Variants in BRD9 observed in about 807,000 individuals in gnomAD.
BRD9 encodes the protein bromodomain containing 9.
BRD9 carries 47 observed loss-of-function variants against 68.7 expected under a neutral mutation model. The observed-to-expected ratio is 0.68, with a 90% confidence interval of 0.54 to 0.87. The LOEUF (loss-of-function observed/expected upper bound fraction) is 0.87. Among genes scored for constraint, BRD9 ranks in the 40% least tolerant of loss-of-function variants. The pLI is 0.00. For missense variants in BRD9, 670 were observed against 748.4 expected (o/e 0.90, Z 1.22); for synonymous variants, 313 against 293.9 (o/e 1.06, Z -0.67).
intron 8 of BRD9, chr5:883,559 G>A (rs1400551338): frequency 1.8e-5 from 7 of 391,790 alleles, no homozygotes; most frequent in Admixed American, 9.9e-5. Flanking sequence ...ACCATCTGTC[G>A]GATCCAACAC....
At chr5:885,169 G>C (rs928519668) in intron 7 of BRD9, among the ~76,000 whole-genome samples, 2 of 152,250 alleles carry the variant, frequency 1.3e-5, no homozygotes, top group East Asian at 1.9e-4. Flanking sequence ...CGAGTCGGGG[G>C]CTGAGGCCGG....
intron 7 of BRD9, among the ~76,000 whole-genome samples, chr5:885,895 C>T (rs1056199621): frequency 5.3e-5 from 8 of 152,168 alleles, no homozygotes; most frequent in African/African-American, 1.2e-4. Context: ...ACAGGAATGA[C>T]GTGTGATACG....
chr5:865,839 GACC>G (rs1749307458), intron 14 of BRD9: 1 of 406,884 alleles, frequency 2.5e-6, no homozygotes, highest in Non-Finnish European at 4.4e-6. Context: ...GCACCGCACA[GACC>G]ACGTCATGGC....
At chr5:878,060 T>A (rs1751229560) in intron 11 of BRD9, among the ~76,000 whole-genome samples, 1 of 152,182 alleles carries the variant, frequency 6.6e-6, no homozygotes, top group Admixed American at 6.5e-5. Flanking sequence ...CAGCCTGAGC[T>A]AGCACGGTCA....
chr5:865,595 A>C lies in BRD9; in HGVS notation c.1526-14T>G. ...TCTTCACCTTCCCTGTGTAAACAGG[A>C]CATGACCCCACGTCGGCTGAGCTCA... is the stretch of plus-strand genomic sequence containing the variant. On this transcript the variant is annotated splice_polypyrimidine_tract_variant and intron_variant, in intron 14 of 15. Transcript: ENST00000467963. 6.3e-7 allele frequency: 1 copy of C among 1,578,304 alleles called. No individual in the cohort carries two copies.
At chr5:866,185 G>A (rs896686889) in intron 14 of BRD9, 1 of 152,280 alleles carries the variant, frequency 6.6e-6, no homozygotes, top group African/African-American at 2.4e-5. Context: ...GGCTTACCCT[G>A]ACAATGCCTG....
Position 865,398 on chromosome 5 carries a change from G to T in BRD9, c.1693+16C>A. ...CTGGGGTCTCTGGGGATGCGGCGTG[G>T]GTGGGGGCATCTCACCCAGGTGGTG... On this transcript the variant is annotated intron_variant, in intron 15 of 15. Coordinates refer to ENST00000467963, the MANE Select transcript of BRD9 (RefSeq NM_023924.5). 2 of 1,560,560 alleles carry T rather than the reference G, an allele frequency of 1.3e-6. No individual in the cohort carries two copies. The highest frequency in any genetic ancestry group is 2.3e-5 in the East Asian group (1 of 43,774).
In BRD9 at chr5:890,621, T is replaced by C. The variant is rs1753218584; in HGVS notation, c.400+534A>G. 2.0e-5 allele frequency among the ~76,000 whole-genome samples: 3 copies of C among 152,228 alleles called. No homozygotes were observed. In the South Asian group the frequency reaches 6.2e-4, roughly 32 times the overall value. ...TCCTTTGTCTCAGCCTATGGTCACT[T>C]TCAGCAACTTCAGACCCACCATTTG... On this transcript the variant is annotated intron_variant, in intron 3 of 15. Transcript: ENST00000467963.
Position 865,549 on chromosome 5 carries a change from T to C in BRD9, c.1558A>G (p.Ser520Gly), listed in dbSNP as rs766537274. 32 of 1,604,824 alleles carry C rather than the reference T, an allele frequency of 2.0e-5. No homozygotes were observed. Among genetic ancestry groups the C allele is most frequent in the Non-Finnish European group, 2.6e-5 (31 of 1,178,626 alleles). Residue 520 changes from serine (S) to glycine (G), a missense_variant, in exon 15 of 16, where the codon AGC becomes GGC. Ser to Gly is a moderately conservative substitution (Grantham distance 56). Coordinates refer to ENST00000467963, the MANE Select transcript of BRD9 (RefSeq NM_023924.5). ...KVKKELDPDDSHLNLDETTKL... is the reference protein window; with the variant it reads ...KVKKELDPDDGHLNLDETTKL... ...GTCGTCTCATCCAAGTTCAAATGGCTGTCGTCAGGGTCCAGCTCCTTCTTC... is the reference window on the plus strand; with the variant it reads ...GTCGTCTCATCCAAGTTCAAATGGCCGTCGTCAGGGTCCAGCTCCTTCTTC...
intron 5 of BRD9, among the ~76,000 whole-genome samples, chr5:888,809 C>T (rs907160335): frequency 6.6e-6 from 1 of 152,204 alleles, no homozygotes; most frequent in South Asian, 2.1e-4. Context: ...CTTCTAACAG[C>T]GTGCAACCTG....
intron 7 of BRD9, 81 bp downstream of exon 7, chr5:886,511 C>T: frequency 7.7e-7 from 1 of 1,303,490 alleles, no homozygotes; most frequent in South Asian, 1.4e-5. Context: ...CTCACTCACT[C>T]ACTCTCCCCT....
chr5:876,282 C>T, intron 11 of BRD9, 70 bp from the exon 12 acceptor site: 1 of 1,217,218 alleles, frequency 8.2e-7, no homozygotes, highest in Non-Finnish European at 1.2e-6. Context: ...CAGCCCTGAT[C>T]ACAGAAGCCT....
chr5:883,836 C>T (rs1027077787), intron 8 of BRD9, 102 bp downstream of exon 8: 51 of 1,495,282 alleles, frequency 3.4e-5, no homozygotes, highest in Middle Eastern at 1.8e-4. Flanking sequence ...ACCTCTGGAT[C>T]CCGGTGGCTG....
chr5:891,318 G>A (rs756297860), intron 2 of BRD9, 31 bp from the exon 3 acceptor site: 11 of 1,546,910 alleles, frequency 7.1e-6, no homozygotes, highest in South Asian at 1.2e-5. Context: ...AGTGAGAAAG[G>A]CAGGAGTAGG....
chr5:864,623 TGGGGCTCCTGGAGCCCAA>T, intron 15 of BRD9, 55 bp from the exon 16 acceptor site: 1 of 1,504,088 alleles, frequency 6.6e-7, no homozygotes. Context: ...GCAGCACACG[TGGGGCTCCTGGAGCCCAA>T]GGTCTGCTTC....
intron 3 of BRD9, chr5:889,915 G>C (rs72703160): frequency 0.041 from 20,104 of 492,894 alleles, 503 homozygotes; most frequent in Non-Finnish European, 0.049. Flanking sequence ...ACTTAGCAAT[G>C]TTTTCAGCTC....
chr5:865,348 T>C, intron 15 of BRD9, 66 bp downstream of exon 15: 1 of 1,484,712 alleles, frequency 6.7e-7, no homozygotes, highest in South Asian at 1.3e-5. Flanking sequence ...GCCCACTACC[T>C]CGTCTAGACG....
intron 3 of BRD9, 199 bp from the exon 4 acceptor site, chr5:889,846 G>T: frequency 8.5e-7 from 1 of 1,175,070 alleles, no homozygotes; most frequent in Non-Finnish European, 1.2e-6. Context: ...CCCACAGCAG[G>T]AGTCATAAAA....
intron 14 of BRD9, among the ~76,000 whole-genome samples, chr5:868,169 A>G (rs140215234): frequency 1.3e-5 from 2 of 152,294 alleles, no homozygotes; most frequent in Admixed American, 1.3e-4. Flanking sequence ...ATGTGAAGAC[A>G]TGCATGTTTC....
Sources: allele counts gnomAD v4.1 joint callset (sites outside exome capture counted in the v4.1 genomes callset), GRCh38; gene constraint gnomAD v4.1.1; transcripts MANE v1.5; gene names NCBI Gene and HGNC (gene_info 2026-07-23, HGNC 2026-07-21).